Variants in ARL17B observed in about 807,000 individuals in gnomAD.
ARL17B encodes ADP-ribosylation factor-like protein 17.
chr17:46,289,987 C>T (rs2050021946), intron 4 of ARL17B, among the ~76,000 whole-genome samples: 3 of 152,188 alleles, frequency 2.0e-5, no homozygotes, highest in South Asian at 2.1e-4. Flanking sequence ...GGTGTGGTGG[C>T]GCATGCCTGT....
At chr17:46,353,018 AT>A in intron 2 of ARL17B, 88 bp from the exon 3 acceptor site, 1 of 1,125,284 alleles carries the variant, frequency 8.9e-7, no homozygotes, top group South Asian at 1.6e-5. Context: ...AGTACTTTTA[AT>A]TTACAAAGCA....
At chr17:46,276,653 T>C (rs1292168371) in intron 4 of ARL17B, among the ~76,000 whole-genome samples, 1 of 152,224 alleles carries the variant, frequency 6.6e-6, no homozygotes, top group East Asian at 1.9e-4. Flanking sequence ...TGGAAACCCA[T>C]AATAAAATCA....
At chr17:46,275,785 G>T (rs1294543803) in intron 4 of ARL17B, among the ~76,000 whole-genome samples, 1 of 152,008 alleles carries the variant, frequency 6.6e-6, no homozygotes, top group African/African-American at 2.4e-5. Context: ...ACGGATGAGG[G>T]GAATATAAAG....
chr17:46,288,173 G>T (rs1255390076), intron 4 of ARL17B, among the ~76,000 whole-genome samples: 3 of 138,756 alleles, frequency 2.2e-5, no homozygotes, highest in African/African-American at 7.5e-5. Context: ...CTTTTGTCTC[G>T]CTGTATAACC....
intron 4 of ARL17B, among the ~76,000 whole-genome samples, chr17:46,291,985 A>AAAAAAAAC (rs1360524355): frequency 9.1e-5 from 7 of 76,586 alleles, no homozygotes; most frequent in East Asian, 3.6e-4. Flanking sequence ...AAAAAAAAAA[A>AAAAAAAAC]AAGCCAATAA....
downstream of ARL17B, chr17:46,332,482 C>T (rs1184922457): frequency 1.3e-6 from 1 of 771,302 alleles, no homozygotes; most frequent in African/African-American, 2.1e-5. Context: ...GTCAGCTACT[C>T]ACCTGGAATA....
At chr17:46,332,619 T>C (rs1380604337), downstream of ARL17B, 18 of 1,232,112 alleles carry the variant, frequency 1.5e-5, no homozygotes, top group Non-Finnish European at 2.1e-5. Context: ...GTTACTGGAA[T>C]ACTAACGATT....
At chr17:46,324,758 T>G (rs139970359) in intron 3 of ARL17B, among the ~76,000 whole-genome samples, 1,081 of 74,674 alleles carry the variant, frequency 0.014, 286 homozygotes, top group Middle Eastern at 0.098. Context: ...GAGGATCACT[T>G]GAACCCAGGA....
downstream of ARL17B, among the ~76,000 whole-genome samples, chr17:46,298,824 G>C (rs2050254804): frequency 1.6e-5 from 1 of 61,304 alleles, no homozygotes; most frequent in African/African-American, 4.1e-5. Flanking sequence ...GCAGACCATT[G>C]GTGCTAGAAT....
chr17:46,277,501 C>G (rs2049620994), intron 4 of ARL17B, among the ~76,000 whole-genome samples: 1 of 152,180 alleles, frequency 6.6e-6, no homozygotes, highest in South Asian at 2.1e-4. Flanking sequence ...CCACCATGTA[C>G]AAATCAAAAA....
intron 4 of ARL17B, among the ~76,000 whole-genome samples, chr17:46,281,397 C>CTT (rs377017899): frequency 1.4e-5 from 2 of 142,222 alleles, no homozygotes; most frequent in Non-Finnish European, 3.2e-5. Flanking sequence ...TTATTCTTGT[C>CTT]TTTTTTTTTT....
intron 4 of ARL17B, among the ~76,000 whole-genome samples, chr17:46,278,193 G>A (rs1230402620): frequency 1.3e-5 from 2 of 151,812 alleles, no homozygotes; most frequent in African/African-American, 2.4e-5. Context: ...TGATCCACCC[G>A]CCTTGGCCTT....
chr17:46,277,576 AG>A (rs1395875628), intron 4 of ARL17B, among the ~76,000 whole-genome samples: 3 of 152,086 alleles, frequency 2.0e-5, no homozygotes, highest in African/African-American at 4.8e-5. Context: ...TCTGAAATCC[AG>A]GCTCCCTATG....
rs370558671 is a variant in ARL17B, at chr17:46,278,564, C to T, written c.*22-3146G>A. ...GATTACAGGCGCTCACCACTGCGAC[C>T]GGCTAATTTTTGTATTTTTAGTAGA... On this transcript the variant is annotated intron_variant, in intron 4 of 4. Coordinates refer to the ARL17B transcript ENST00000570618. Among the ~76,000 whole-genome samples the T allele has an allele frequency of 5.3e-5, 8 of 151,060 alleles. No homozygotes were observed. The East Asian group carries it at 1.2e-3, about 23-fold the overall frequency.
In ARL17B at chr17:46,291,985, A is replaced by AAAAAAAAAAAAAAAAAC. The variant is rs1360524355; in HGVS notation, c.*21+7540_*21+7541insGTTTTTTTTTTTTTTTT. Among the ~76,000 whole-genome samples, 126 of 76,566 alleles carry AAAAAAAAAAAAAAAAAC rather than the reference A, an allele frequency of 1.6e-3. 2 individuals carry two copies. Among genetic ancestry groups the AAAAAAAAAAAAAAAAAC allele is most frequent in the Non-Finnish European group, 2.6e-3 (96 of 36,288 alleles). 50.2% of individuals were successfully genotyped at this position (76,566 alleles called of 152,430 possible). On this transcript the variant is annotated intron_variant, in intron 4 of 4. Coordinates refer to the ARL17B transcript ENST00000570618. ...CTCAAAAAGCAAAAAAAAAAAAAAAAAAGCCAATAAAATCAATGGTCTAAT... is the reference window on the plus strand; with the variant it reads ...CTCAAAAAGCAAAAAAAAAAAAAAAAAAAAAAAAAAAAAAAACAAGCCAATAAAATCAATGGTCTAAT...
intron 4 of ARL17B, among the ~76,000 whole-genome samples, chr17:46,279,085 A>C (rs1340959702): frequency 6.6e-6 from 1 of 152,212 alleles, no homozygotes; most frequent in African/African-American, 2.4e-5. Context: ...GGCATAAGCC[A>C]CTGTTCCTGG....
chr17:46,319,159 G>A (rs113766101), intron 3 of ARL17B, among the ~76,000 whole-genome samples: 1,096 of 20,692 alleles, frequency 0.053, 9 homozygotes, highest in Middle Eastern at 0.25. Flanking sequence ...TCCTTGGGTT[G>A]CTGCAAGACT....
At chr17:46,277,250 T>A (rs1290064510) in intron 4 of ARL17B, among the ~76,000 whole-genome samples, 1 of 152,242 alleles carries the variant, frequency 6.6e-6, no homozygotes, top group African/African-American at 2.4e-5. Context: ...CCCTACACTA[T>A]GCGGGCCCAG....
intron 3 of ARL17B, among the ~76,000 whole-genome samples, chr17:46,317,149 G>T (rs1181382353): frequency 1.1e-5 from 1 of 89,226 alleles, no homozygotes; most frequent in African/African-American, 3.0e-5. Context: ...ATGGGGTGGC[G>T]GCCGGGCAGA....
Sources: gnomAD v4.1 joint callset for allele counts (sites outside exome capture counted in the v4.1 genomes callset) on GRCh38, gnomAD v4.1.1 for gene constraint, MANE v1.5 for transcripts, NCBI Gene and HGNC (gene_info 2026-07-23, HGNC 2026-07-21) for gene names.